Variants in ATP6V1A observed in about 807,000 individuals in gnomAD.
The protein encoded by ATP6V1A is ATPase H+ transporting V1 subunit A, also known as V-type proton ATPase catalytic subunit A.
A neutral mutation model predicts 70.1 loss-of-function variants in ATP6V1A; 18 were observed. The observed-to-expected ratio is 0.26, with a 90% CI of 0.18 to 0.38. ATP6V1A has a LOEUF of 0.38. Among genes scored for constraint, ATP6V1A ranks in the 10% least tolerant of loss-of-function variants. The pLI, the probability that ATP6V1A is intolerant of heterozygous loss-of-function variation, is 1.00. For missense variants in ATP6V1A, 424 were observed against 772.4 expected (o/e 0.55, Z 5.35); for synonymous variants, 232 against 253.8 (o/e 0.91, Z 0.82).
intron 6 of ATP6V1A, among the ~76,000 whole-genome samples, chr3:113,787,810 T>C (rs1404152001): frequency 6.6e-6 from 1 of 152,248 alleles, no homozygotes; most frequent in Non-Finnish European, 1.5e-5. Flanking sequence ...TAAAATCAAC[T>C]GGGCTTTCTC....
chr3:113,780,914 C>A, intron 2 of ATP6V1A, 136 bp from the exon 3 acceptor site: 1 of 1,333,334 alleles, frequency 7.5e-7, no homozygotes. Context: ...CAGTATGTTC[C>A]ATAGTAGGTT....
At chr3:113,788,618 G>T in intron 6 of ATP6V1A, 95 bp from the exon 7 acceptor site, 1 of 1,181,946 alleles carries the variant, frequency 8.5e-7, no homozygotes, top group South Asian at 1.5e-5. Flanking sequence ...AGTGCTGCTG[G>T]GATTACAGGC....
chr3:113,750,759 CTACTT>C (rs1280169406), intron 1 of ATP6V1A, among the ~76,000 whole-genome samples: 2 of 152,072 alleles, frequency 1.3e-5, no homozygotes, highest in African/African-American at 2.4e-5. Context: ...TTACTGATAA[CTACTT>C]TGATTTTATA....
intron 2 of ATP6V1A, 112 bp from the exon 3 acceptor site, chr3:113,780,938 T>C: frequency 1.4e-6 from 2 of 1,409,412 alleles, no homozygotes; most frequent in South Asian, 1.5e-5. Flanking sequence ...ATCCTTCTTA[T>C]GAATATATGA....
At chr3:113,782,858 A>G (rs1046834217) in intron 3 of ATP6V1A, among the ~76,000 whole-genome samples, 2 of 151,754 alleles carry the variant, frequency 1.3e-5, no homozygotes, top group African/African-American at 4.8e-5. Context: ...TCCTGACCTC[A>G]CGATCCACCT....
intron 3 of ATP6V1A, among the ~76,000 whole-genome samples, chr3:113,783,134 C>CT (rs993743247): frequency 2.0e-5 from 3 of 151,728 alleles, no homozygotes; most frequent in South Asian, 4.2e-4. Context: ...AACTCTGGTT[C>CT]TTTTTTTTAC....
At chr3:113,774,692 A>G (rs751395709) in intron 1 of ATP6V1A, among the ~76,000 whole-genome samples, 1 of 152,100 alleles carries the variant, frequency 6.6e-6, no homozygotes, top group Non-Finnish European at 1.5e-5. Flanking sequence ...CACACACTGT[A>G]GTCCCAGCTA....
intron 13 of ATP6V1A, 100 bp downstream of exon 13, chr3:113,803,777 A>C: frequency 4.9e-6 from 4 of 815,440 alleles, no homozygotes; most frequent in South Asian, 1.8e-5. Context: ...ATACAGGCTC[A>C]TACACTCTGA....
chr3:113,794,087 C>G (rs1709127821), intron 8 of ATP6V1A, among the ~76,000 whole-genome samples: 1 of 152,090 alleles, frequency 6.6e-6, no homozygotes, highest in Admixed American at 6.5e-5. Context: ...GAACTAGAAC[C>G]CAACACTCGT....
Position 113,809,352 on chromosome 3 carries a change from T to G in ATP6V1A, c.1779T>G (p.Gly593=). The G allele has an allele frequency of 1.9e-6, 3 of 1,613,626 alleles. No homozygotes were observed. Among genetic ancestry groups the G allele is most frequent in the Non-Finnish European group, 8.5e-7 (1 of 1,179,714 alleles). The change falls in exon 15 of 15, where the codon GGT becomes GGG. Residue 593 remains glycine (G), a synonymous_variant. Coordinates refer to ENST00000273398, the MANE Select transcript of ATP6V1A (RefSeq NM_001690.4). ...TCTTTCAGGATCCACTGAAAGATGG[T>G]GAGGCAAAGATCAAAAGCGACTATG... ...SMKFKDPLKD[G]EAKIKSDYAQ...
At chr3:113,788,635 C>T (rs1399464825) in intron 6 of ATP6V1A, 78 bp from the exon 7 acceptor site, 9 of 1,423,984 alleles carry the variant, frequency 6.3e-6, no homozygotes, top group Non-Finnish European at 8.6e-6. Context: ...AGGCGTGAGC[C>T]ACCGCGCCCG....
At chr3:113,776,300 G>T (rs1708911172) in intron 1 of ATP6V1A, among the ~76,000 whole-genome samples, 1 of 152,088 alleles carries the variant, frequency 6.6e-6, no homozygotes, top group Non-Finnish European at 1.5e-5. Flanking sequence ...AGCCCAGGAG[G>T]TCAAGGCTGC....
At chr3:113,774,757 G>T (rs995335828) in intron 1 of ATP6V1A, among the ~76,000 whole-genome samples, 2 of 151,200 alleles carry the variant, frequency 1.3e-5, no homozygotes, top group African/African-American at 4.9e-5. Context: ...AGGTTGCAGT[G>T]AGCCGAGATT....
chr3:113,775,113 A>G (rs1708893502), intron 1 of ATP6V1A, among the ~76,000 whole-genome samples: 1 of 152,156 alleles, frequency 6.6e-6, no homozygotes, highest in South Asian at 2.1e-4. Context: ...AAGTAGATTT[A>G]GGTTGGATGT....
At chr3:113,799,510 G>A (rs1328430611) in intron 12 of ATP6V1A, among the ~76,000 whole-genome samples, 1 of 152,064 alleles carries the variant, frequency 6.6e-6, no homozygotes, top group African/African-American at 2.4e-5. Context: ...TTAAAAACTA[G>A]GATTAAGACC....
At chr3:113,784,139 G>A in intron 3 of ATP6V1A, 85 bp from the exon 4 acceptor site, 1 of 1,289,698 alleles carries the variant, frequency 7.8e-7, no homozygotes, top group Non-Finnish European at 1.1e-6. Context: ...CTTCTTGAGT[G>A]GCATTTCCTT....
chr3:113,755,738 A>G (rs960783815), intron 1 of ATP6V1A, among the ~76,000 whole-genome samples: 1 of 152,244 alleles, frequency 6.6e-6, no homozygotes, highest in Non-Finnish European at 1.5e-5. Context: ...TGAATGGGTA[A>G]TACATGTACA....
intron 11 of ATP6V1A, 95 bp from the exon 12 acceptor site, chr3:113,798,148 A>G: frequency 1.4e-6 from 2 of 1,393,222 alleles, no homozygotes; most frequent in Non-Finnish European, 2.0e-6. Flanking sequence ...CAAAAAAAAA[A>G]GAATTGCATA....
chr3:113,783,715 G>GTT (rs1030444712), intron 3 of ATP6V1A, among the ~76,000 whole-genome samples: 2 of 152,150 alleles, frequency 1.3e-5, no homozygotes, highest in African/African-American at 4.8e-5. Flanking sequence ...ATAATAAACA[G>GTT]TTTCATTATG....
Sources: allele counts gnomAD v4.1 joint callset (sites outside exome capture counted in the v4.1 genomes callset), GRCh38; gene constraint gnomAD v4.1.1; transcripts MANE v1.5; gene names NCBI Gene and HGNC (gene_info 2026-07-23, HGNC 2026-07-21).